Variants in P2RY8 observed in about 807,000 individuals in gnomAD.
P2RY8 encodes the protein P2Y receptor family member 8.
A neutral mutation model predicts 10.0 loss-of-function variants in P2RY8; 6 were observed. That is an observed-to-expected ratio of 0.60 (90% CI 0.33 to 1.19). The LOEUF is 1.19. P2RY8 is among the 50% of genes most tolerant of loss of function. The probability of loss-of-function intolerance (pLI) is 0.04; values close to 1 mark genes in which losing one functional copy is unlikely to be tolerated. For synonymous variants in P2RY8, 276 were observed against 252.5 expected (o/e 1.09, Z -0.88); for missense variants, 456 against 542.0 (o/e 0.84, Z 1.58).
intron 1 of P2RY8, among the ~76,000 whole-genome samples, chrX:1,502,304 A>C (rs779343573): frequency 6.6e-6 from 1 of 152,262 alleles, no homozygotes; most frequent in Non-Finnish European, 1.5e-5. Flanking sequence ...GGATTTGCTT[A>C]TCTCTGTTTT....
At chrX:1,492,884 A>G (rs1333537990) in intron 1 of P2RY8, among the ~76,000 whole-genome samples, 10 of 152,068 alleles carry the variant, frequency 6.6e-5, no homozygotes, top group Admixed American at 2.0e-4. Flanking sequence ...GCTAACGAGC[A>G]GCACTCAGCG....
chrX:1,488,387 T>G (rs1433637660), intron 1 of P2RY8, among the ~76,000 whole-genome samples: 1 of 152,158 alleles, frequency 6.6e-6, no homozygotes, highest in African/African-American at 2.4e-5. Context: ...CTTGGTACAG[T>G]GGTCTACCTG....
chrX:1,526,680 T>TCATC (rs1159146608), intron 1 of P2RY8, among the ~76,000 whole-genome samples: 10,523 of 151,402 alleles, frequency 0.07, 500 homozygotes, highest in Non-Finnish European at 0.1. Flanking sequence ...TATTCAGCAT[T>TCATC]CATCCATCCA....
At chrX:1,471,421 C>T (rs1190128040) in intron 1 of P2RY8, among the ~76,000 whole-genome samples, 2 of 149,770 alleles carry the variant, frequency 1.3e-5, no homozygotes, top group African/African-American at 2.5e-5. Context: ...TCCTCGGCCT[C>T]CCAAAGTGCT....
intron 1 of P2RY8, among the ~76,000 whole-genome samples, chrX:1,516,216 C>CAAAAA (rs112983650): frequency 6.9e-6 from 1 of 144,452 alleles, no homozygotes. Flanking sequence ...AAAACAACAA[C>CAAAAA]AAAAAAAAAA....
chrX:1,514,941 C>T (rs182579714), intron 1 of P2RY8, among the ~76,000 whole-genome samples: 5,540 of 131,864 alleles, frequency 0.042, 355 homozygotes, highest in African/African-American at 0.13. Flanking sequence ...ACTTGCTCTG[C>T]TGTCCTGGCT....
intron 1 of P2RY8, among the ~76,000 whole-genome samples, chrX:1,509,812 T>TGTATCCATC (rs1569538171): frequency 3.1e-4 from 29 of 92,188 alleles, no homozygotes; most frequent in Admixed American, 4.9e-4. Flanking sequence ...TATCTATCTA[T>TGTATCCATC]CTATCTATCT....
intron 1 of P2RY8, among the ~76,000 whole-genome samples, chrX:1,489,198 G>A (rs192912335): frequency 8.3e-5 from 12 of 144,954 alleles, no homozygotes; most frequent in South Asian, 2.2e-4. Flanking sequence ...GATTCACTTC[G>A]GCAAATGTAG....
chrX:1,514,881 C>T (rs1478395793), intron 1 of P2RY8, among the ~76,000 whole-genome samples: 1 of 31,002 alleles, frequency 3.2e-5, no homozygotes, highest in Non-Finnish European at 8.0e-5. Context: ...CCCCTGTCTT[C>T]CTCTCCCCTC....
chrX:1,472,600 T>C (rs2091802813), intron 1 of P2RY8, among the ~76,000 whole-genome samples: 2 of 94,946 alleles, frequency 2.1e-5, no homozygotes, highest in Admixed American at 2.1e-4. Flanking sequence ...GCTGGATCAG[T>C]GTTTAGATAG....
intron 1 of P2RY8, among the ~76,000 whole-genome samples, chrX:1,521,341 C>A (rs536362038): frequency 6.6e-6 from 1 of 152,100 alleles, no homozygotes; most frequent in Non-Finnish European, 1.5e-5. Context: ...CCACCGCGCC[C>A]GGCCTTTATC....
chrX:1,531,129 T>C (rs2092472799), intron 1 of P2RY8, among the ~76,000 whole-genome samples: 2 of 152,080 alleles, frequency 1.3e-5, no homozygotes, highest in Admixed American at 6.6e-5. Context: ...TTTAAGACAG[T>C]GATAGATGAG....
intron 1 of P2RY8, among the ~76,000 whole-genome samples, chrX:1,520,381 C>A (rs1304765666): frequency 1.8e-4 from 27 of 151,426 alleles, no homozygotes; most frequent in Non-Finnish European, 2.8e-4. Context: ...ATCTCTGGTC[C>A]CAAGTATTCT....
chrX:1,514,657 C>CTCCTTTCCCT (rs1569538337), intron 1 of P2RY8, among the ~76,000 whole-genome samples: 598 of 2,904 alleles, frequency 0.21, 267 homozygotes, highest in South Asian at 0.58. Context: ...CTTTCCTCCC[C>CTCCTTTCCCT]TCCCTTCCCT....
At chrX:1,487,388 G>A (rs767935277) in intron 1 of P2RY8, among the ~76,000 whole-genome samples, 8 of 151,528 alleles carry the variant, frequency 5.3e-5, no homozygotes, top group African/African-American at 1.2e-4. Flanking sequence ...TTGTGCACCC[G>A]TCCTAGGAAG....
chrX:1,465,781 G>C lies in P2RY8; in HGVS notation c.778C>G (p.His260Asp), dbSNP rs771048085. 6.2e-7 allele frequency: 1 copy of C among 1,613,496 alleles called. No individual in the cohort carries two copies. The highest frequency in any genetic ancestry group is 1.1e-5 in the South Asian group (1 of 91,078). The change falls in exon 2 of 2, where the codon CAC (histidine) becomes GAC (aspartate). Residue 260 changes from histidine (H) to aspartate (D), a missense_variant. Coordinates refer to ENST00000381297, the MANE Select transcript of P2RY8 (RefSeq NM_178129.5). Reference protein sequence around the residue: ...FAPNNFVLLAHIVSRLFYGKS... With the variant: ...FAPNNFVLLADIVSRLFYGKS... Reference sequence around the variant, plus strand: ...CCGTAGAACAGGCGGCTCACGATGTGCGCCAGGAGCACGAAGTTGTTGGGG... The same window carrying C: ...CCGTAGAACAGGCGGCTCACGATGTCCGCCAGGAGCACGAAGTTGTTGGGG...
chrX:1,511,725 G>A (rs1569538230), intron 1 of P2RY8, among the ~76,000 whole-genome samples: 2 of 152,140 alleles, frequency 1.3e-5, no homozygotes, highest in African/African-American at 2.4e-5. Flanking sequence ...TTCTCTTGAC[G>A]GCACTGAGCA....
At chrX:1,480,792 C>T (rs2091925775) in intron 1 of P2RY8, among the ~76,000 whole-genome samples, 1 of 151,768 alleles carries the variant, frequency 6.6e-6, no homozygotes, top group Non-Finnish European at 1.5e-5. Flanking sequence ...GCATGTTCTG[C>T]ACATGTACCC....
chrX:1,504,273 G>A (rs1364174974), intron 1 of P2RY8, among the ~76,000 whole-genome samples: 35 of 150,478 alleles, frequency 2.3e-4, no homozygotes, highest in African/African-American at 7.3e-4. Context: ...CCGAGATGGC[G>A]CCACTGCACT....
Sources: allele counts gnomAD v4.1 joint callset (sites outside exome capture counted in the v4.1 genomes callset), GRCh38; gene constraint gnomAD v4.1.1; transcripts MANE v1.5; gene names NCBI Gene and HGNC (gene_info 2026-07-23, HGNC 2026-07-21).